The following BANK1 variants were observed in gnomAD, a reference collection of about 807,000 sequenced individuals.
BANK1 encodes the protein B-cell scaffold protein with ankyrin repeats.
BANK1 carries 95 observed loss-of-function variants against 94.5 expected under a neutral mutation model. The ratio of observed to expected loss-of-function variants is 1.00; its 90% confidence interval spans 0.85 to 1.19. BANK1 has a LOEUF of 1.19. Among genes scored for constraint, BANK1 ranks in the 50% most tolerant of loss-of-function variants. The pLI, the probability that BANK1 is intolerant of heterozygous loss-of-function variation, is 0.00. For missense variants in BANK1, 987 were observed against 932.2 expected (o/e 1.06, Z -0.77); for synonymous variants, 334 against 308.4 (o/e 1.08, Z -0.87).
intron 12 of BANK1, among the ~76,000 whole-genome samples, chr4:102,060,974 A>C (rs774848136): frequency 2.0e-5 from 3 of 152,118 alleles, no homozygotes; most frequent in African/African-American, 7.2e-5. Context: ...TATACCACAC[A>C]CACCCCTTGA....
chr4:101,901,323 T>A (rs887345726), intron 6 of BANK1, among the ~76,000 whole-genome samples: 1 of 152,166 alleles, frequency 6.6e-6, no homozygotes, highest in Non-Finnish European at 1.5e-5. Flanking sequence ...TGCAGACTGA[T>A]TGAGACAATG....
intron 1 of BANK1, among the ~76,000 whole-genome samples, chr4:101,822,281 G>T (rs13136118): frequency 6.6e-6 from 1 of 151,624 alleles, no homozygotes; most frequent in Admixed American, 6.6e-5. Context: ...GAGATGGGAC[G>T]ATCGCTTAAG....
chr4:102,071,194 A>G, intron 13 of BANK1, 81 bp from the exon 14 acceptor site: 7 of 1,480,350 alleles, frequency 4.7e-6, no homozygotes, highest in Non-Finnish European at 6.6e-6. Context: ...GAAGTAGTCC[A>G]ACAATTAAAA....
intron 7 of BANK1, among the ~76,000 whole-genome samples, chr4:101,973,054 T>C (rs2148923903): frequency 6.6e-6 from 1 of 151,702 alleles, no homozygotes; most frequent in African/African-American, 2.4e-5. Context: ...GAATCTGTGG[T>C]GGTTTTTTTT....
At chr4:101,974,914 G>A (rs1162361093) in intron 7 of BANK1, among the ~76,000 whole-genome samples, 1 of 152,076 alleles carries the variant, frequency 6.6e-6, no homozygotes, top group African/African-American at 2.4e-5. Context: ...CCAAGATCAT[G>A]CCGTTGCACT....
intron 7 of BANK1, among the ~76,000 whole-genome samples, chr4:102,016,512 A>G (rs1227361944): frequency 6.6e-6 from 1 of 152,184 alleles, no homozygotes; most frequent in Non-Finnish European, 1.5e-5. Context: ...AAGAAACTCT[A>G]TACATGATGC....
chr4:101,935,834 A>G (rs1370538337), intron 7 of BANK1, among the ~76,000 whole-genome samples: 2 of 151,614 alleles, frequency 1.3e-5, no homozygotes, highest in Non-Finnish European at 1.5e-5. Flanking sequence ...TCTTCAATAG[A>G]TGGTCCTGGG....
rs1728465758 is a variant in BANK1, at chr4:102,062,908, A to C, written c.2149-167A>C. 3 of 581,024 alleles carry C rather than the reference A, an allele frequency of 5.2e-6. No homozygotes were observed. The Admixed American group carries it at 9.0e-5, about 17-fold the overall frequency. 36.0% of individuals were successfully genotyped at this position (581,024 alleles called of 1,614,324 possible). ...ACATCCACTTCATTAAGCTGTGAGA[A>C]TTAAGTAAGATAACGTGGAAAGTAT... On this transcript the variant is annotated intron_variant, in intron 12 of 16. Coordinates refer to ENST00000322953, the MANE Select transcript of BANK1 (RefSeq NM_017935.5).
At position 101,876,530 on chromosome 4, in the gene BANK1, T is replaced by C. The variant is rs1728497017; in HGVS notation, c.903+5886T>C. Reference sequence around the variant, plus strand: ...CCCCCTAAAACAGATACGGCTTAGATCACAACACACAAGTCTTTAAAATCT... The same window carrying C: ...CCCCCTAAAACAGATACGGCTTAGACCACAACACACAAGTCTTTAAAATCT... On this transcript the variant is annotated intron_variant, in intron 5 of 16. Coordinates refer to ENST00000322953, the MANE Select transcript of BANK1 (RefSeq NM_017935.5). Among the ~76,000 whole-genome samples the C allele has an allele frequency of 2.6e-5, 4 of 152,216 alleles. No homozygotes were observed. In the South Asian group the frequency reaches 8.3e-4, roughly 32 times the overall value.
intron 6 of BANK1, among the ~76,000 whole-genome samples, chr4:101,900,780 A>G (rs892426202): frequency 6.6e-6 from 1 of 152,220 alleles, no homozygotes; most frequent in Non-Finnish European, 1.5e-5. Flanking sequence ...ATTAAAAGAT[A>G]ATACATTGGT....
intron 13 of BANK1, among the ~76,000 whole-genome samples, chr4:102,069,482 T>C (rs1301513326): frequency 6.6e-6 from 1 of 152,220 alleles, no homozygotes. Context: ...TTGGTTAGGA[T>C]GTGGAACTGG....
At chr4:101,807,802 C>T (rs1347241619) in intron 1 of BANK1, among the ~76,000 whole-genome samples, 1 of 152,024 alleles carries the variant, frequency 6.6e-6, no homozygotes, top group Non-Finnish European at 1.5e-5. Flanking sequence ...AATTCAGGGC[C>T]GGGCGTGGTG....
At chr4:101,921,957 G>T (rs1296151709) in intron 7 of BANK1, among the ~76,000 whole-genome samples, 1 of 150,814 alleles carries the variant, frequency 6.6e-6, no homozygotes, top group East Asian at 2.0e-4. Flanking sequence ...GTGGCATCAG[G>T]CTCTCCTTAA....
chr4:102,005,360 CT>C (rs1726223904), intron 7 of BANK1, among the ~76,000 whole-genome samples: 1 of 151,934 alleles, frequency 6.6e-6, no homozygotes, highest in African/African-American at 2.4e-5. Context: ...AAAGAAGATG[CT>C]ACTTGTTAAC....
At chr4:102,000,953 G>A (rs1431976284) in intron 7 of BANK1, among the ~76,000 whole-genome samples, 1 of 152,110 alleles carries the variant, frequency 6.6e-6, no homozygotes, top group African/African-American at 2.4e-5. Context: ...AGTTTTTTCT[G>A]TTGTTGTTCC....
intron 1 of BANK1, among the ~76,000 whole-genome samples, chr4:101,828,034 A>T (rs1478075093): frequency 6.6e-6 from 1 of 151,816 alleles, no homozygotes; most frequent in Non-Finnish European, 1.5e-5. Flanking sequence ...ATCAATTTTT[A>T]TATTATTATA....
At chr4:101,992,582 C>T (rs1404706268) in intron 7 of BANK1, among the ~76,000 whole-genome samples, 1 of 152,108 alleles carries the variant, frequency 6.6e-6, no homozygotes, top group East Asian at 1.9e-4. Flanking sequence ...GTTAGAAAAG[C>T]ACATAGAAAC....
intron 6 of BANK1, among the ~76,000 whole-genome samples, chr4:101,909,933 A>C (rs1319856033): frequency 6.6e-6 from 1 of 152,220 alleles, no homozygotes; most frequent in African/African-American, 2.4e-5. Flanking sequence ...AGAAGAGGGA[A>C]GTTTTCTTAC....
chr4:101,900,738 G>A (rs1355567628), intron 6 of BANK1, among the ~76,000 whole-genome samples: 2 of 152,222 alleles, frequency 1.3e-5, no homozygotes, highest in African/African-American at 4.8e-5. Flanking sequence ...AGTTTTGACA[G>A]TGTGATCAAA....
Sources: gnomAD v4.1 joint callset for allele counts (sites outside exome capture counted in the v4.1 genomes callset) on GRCh38, gnomAD v4.1.1 for gene constraint, MANE v1.5 for transcripts, NCBI Gene and HGNC (gene_info 2026-07-23, HGNC 2026-07-21) for gene names.